Variants in PLA2G4F observed in about 807,000 individuals in gnomAD.
The protein encoded by PLA2G4F is phospholipase A2 group IVF.
In PLA2G4F, 105 loss-of-function variants were observed where a neutral mutation model predicts 103.1. That is an observed-to-expected ratio of 1.02 (90% CI 0.87 to 1.20). The LOEUF (loss-of-function observed/expected upper bound fraction) is 1.20. PLA2G4F is among the 50% of genes most tolerant of loss of function. The pLI is 0.00. For synonymous variants in PLA2G4F, 468 were observed against 441.1 expected, an observed-to-expected ratio of 1.06 and a Z score of -0.76; for missense variants, 1,155 against 1,075.9, an observed-to-expected ratio of 1.07 and a Z score of -1.03.
chr15:42,141,998 T>G lies in PLA2G4F; in HGVS notation c.2536A>C (p.Arg846=). The G allele has an allele frequency of 6.2e-7, 1 of 1,613,666 alleles. No individual in the cohort carries two copies. Among genetic ancestry groups the G allele is most frequent in the Non-Finnish European group, 8.5e-7 (1 of 1,179,932 alleles). ...LALDRHQARE[R]AGA is the part of the protein sequence containing the mutation. ...TCCTGCCTTGGTCAGGCCCCTGCCC[T>G]CTCCCGAGCCTGGTGCCGGTCCAGA... Residue 846 remains arginine (R), a synonymous_variant, in exon 20 of 20, where the codon AGG becomes CGG. Transcript: ENST00000397272.
At chr15:42,149,673 C>G in intron 11 of PLA2G4F, 40 bp downstream of exon 11, 3 of 1,611,974 alleles carry the variant, frequency 1.9e-6, no homozygotes, top group Non-Finnish European at 2.5e-6. Context: ...TTGATTTAGT[C>G]CTAGAGGCTC....
chr15:42,145,266 G>C lies in PLA2G4F; in HGVS notation c.1780+309C>G, dbSNP rs371792962. ...GGGAGAAAAGCGGGAAGGGTGCTCT[G>C]CACCGTGGGGCCCCCATGAGCCATT... On this transcript the variant is annotated intron_variant, in intron 16 of 19. Coordinates refer to ENST00000397272, the MANE Select transcript of PLA2G4F (RefSeq NM_213600.4). Among the ~76,000 whole-genome samples, 4 of 152,198 alleles carry C rather than the reference G, an allele frequency of 2.6e-5. No individual in the cohort carries two copies. The East Asian group carries it at 7.7e-4, about 29-fold the overall frequency.
chr15:42,149,159 T>C (rs1323690611), intron 11 of PLA2G4F: 6 of 985,250 alleles, frequency 6.1e-6, no homozygotes, highest in African/African-American at 1.7e-5. Flanking sequence ...CAGACTCAAC[T>C]GTCCCCCTCC....
At chr15:42,147,519 TG>T (rs1199045242) in intron 12 of PLA2G4F, 106 bp downstream of exon 12, 3 of 1,446,876 alleles carry the variant, frequency 2.1e-6, no homozygotes, top group African/African-American at 2.8e-5. Flanking sequence ...CCTAACACCC[TG>T]GGAGGCAGGA....
At position 42,156,565 on chromosome 15, in the gene PLA2G4F, G is replaced by C. The variant is rs1006291654; in HGVS notation, c.-16C>G. The C allele has an allele frequency of 6.0e-5, 92 of 1,525,216 alleles. No homozygotes were observed. The Admixed American group carries it at 1.9e-3, about 31-fold the overall frequency. 94.5% of individuals were successfully genotyped at this position (1,525,216 alleles called of 1,614,324 possible). On this transcript the variant is annotated 5_prime_UTR_variant, in exon 1 of 20. Transcript: ENST00000397272. ...CCCAAAGCATGGCTGGGCAGCCCGG[G>C]CCCCAGCAGGGAACCCTGCCTGCGC... is the stretch of plus-strand genomic sequence containing the variant.
intron 13 of PLA2G4F, chr15:42,146,856 T>A: frequency 2.3e-6 from 1 of 429,614 alleles, no homozygotes; most frequent in Non-Finnish European, 4.2e-6. Flanking sequence ...GGCCGAGGCA[T>A]GGGTGTGTTT....
chr15:42,139,541 C>G lies in PLA2G4F; in HGVS notation c.*2443G>C, dbSNP rs2048811456. On this transcript the variant is annotated 3_prime_UTR_variant, in exon 20 of 20. Coordinates refer to ENST00000397272, the MANE Select transcript of PLA2G4F (RefSeq NM_213600.4). ...GGGAAACCATGCTTGCTCTTCTAGA[C>G]AAATCCCTCCAACTCTGTCACCTTC... The G allele has an allele frequency of 6.6e-6, 1 of 152,232 alleles. No homozygotes were observed. Among genetic ancestry groups the G allele is most frequent in the African/African-American group, 2.4e-5 (1 of 41,434 alleles). The allele number at this position is 152,232 out of a possible 1,614,324, so 9.4% of individuals were successfully genotyped here. A position where few individuals can be genotyped will look rare whatever the true frequency, so the allele number is the denominator to read the frequency against.
rs1236651159 is a variant in PLA2G4F, at chr15:42,145,540, G to A, written c.1780+35C>T. 1.9e-6 allele frequency: 3 copies of A among 1,579,830 alleles called. No individual in the cohort carries two copies. The African/African-American group carries it at 4.0e-5, about 21-fold the overall frequency. On this transcript the variant is annotated intron_variant, in intron 16 of 19. Transcript: ENST00000397272. ...TCTGCCAGGGCCCTGTTGCTGGAAT[G>A]TGGTGTGGGAGGGGCTCGGGGTCGC...
chr15:42,147,485 G>C lies in PLA2G4F; in HGVS notation c.1197-139C>G, dbSNP rs142696062. On this transcript the variant is annotated intron_variant, in intron 12 of 19. Coordinates refer to ENST00000397272, the MANE Select transcript of PLA2G4F (RefSeq NM_213600.4). ...AACAACCCAACTCAGAGGGGCGCTT[G>C]GGACTCAGCCTCTTCCTGCCCCTCC... The C allele has an allele frequency of 4.7e-4, 646 of 1,369,730 alleles. 4 individuals are homozygous for C. In the African/African-American group the frequency reaches 8.6e-3, roughly 18 times the overall value. The allele number at this position is 1,369,730 out of a possible 1,614,324, so 84.8% of individuals were successfully genotyped here.
intron 17 of PLA2G4F, 92 bp from the exon 18 acceptor site, chr15:42,144,236 T>C (rs1290347628): frequency 6.8e-7 from 1 of 1,467,192 alleles, no homozygotes; most frequent in Non-Finnish European, 9.2e-7. Flanking sequence ...GCCTTCTCTC[T>C]GTAGAGTTCT....
chr15:42,141,397 G>A lies in PLA2G4F; in HGVS notation c.*587C>T. On this transcript the variant is annotated 3_prime_UTR_variant, in exon 20 of 20. Transcript: ENST00000397272. ...TGGGAAGAGAAGGGTGATCTGGGAG[G>A]AGGCACGAGGAGACCAGAAGGCAGA... 1 of 456,148 alleles carries A rather than the reference G, an allele frequency of 2.2e-6. No homozygotes were observed. Among genetic ancestry groups the A allele is most frequent in the Non-Finnish European group, 4.4e-6 (1 of 226,648 alleles). 28.3% of individuals were successfully genotyped at this position (456,148 alleles called of 1,614,324 possible). A position where few individuals can be genotyped will look rare whatever the true frequency, so the allele number is the denominator to read the frequency against.
At position 42,141,941 on chromosome 15, in the gene PLA2G4F, A is replaced by G; in HGVS notation, c.*43T>C. On this transcript the variant is annotated 3_prime_UTR_variant, in exon 20 of 20. Coordinates refer to ENST00000397272, the MANE Select transcript of PLA2G4F (RefSeq NM_213600.4). ...CCCTCTACAAGCCCTGACCATGAGC[A>G]GTGTGTCTCCTCTCTGTCACAGTCC... The G allele has an allele frequency of 1.3e-6, 2 of 1,552,352 alleles. No homozygotes were observed. Among genetic ancestry groups the G allele is most frequent in the Non-Finnish European group, 1.8e-6 (2 of 1,129,930 alleles).
In PLA2G4F at chr15:42,146,069, T is replaced by A. The variant is rs1049501273; in HGVS notation, c.1534+58A>T. On this transcript the variant is annotated intron_variant, in intron 14 of 19. Coordinates refer to ENST00000397272, the MANE Select transcript of PLA2G4F (RefSeq NM_213600.4). ...TCTGGGTACCCTGATCACCCTGGCC[T>A]CTCACCTCCTCCTCCCCACCTCCTC... 1.3e-5 allele frequency: 20 copies of A among 1,596,702 alleles called. No homozygotes were observed. In the African/African-American group the frequency reaches 2.6e-4, roughly 20 times the overall value.
intron 11 of PLA2G4F, chr15:42,148,726 G>A (rs2048920387): frequency 4.1e-6 from 4 of 985,320 alleles, no homozygotes; most frequent in African/African-American, 1.7e-5. Context: ...AGGTGCCTGA[G>A]GGGTCAGAGT....
rs2048828344 is a variant in PLA2G4F at position 42,141,760 on chromosome 15, G to A, written c.*224C>T. 1 of 624,304 alleles carries A rather than the reference G, an allele frequency of 1.6e-6. No homozygotes were observed. Among genetic ancestry groups the A allele is most frequent in the Non-Finnish European group, 2.9e-6 (1 of 344,176 alleles). 38.7% of individuals were successfully genotyped at this position (624,304 alleles called of 1,614,324 possible). A position where few individuals can be genotyped will look rare whatever the true frequency, so the allele number is the denominator to read the frequency against. Reference sequence around the variant, plus strand: ...TGCCCTACATCCCCAAGAGTCCCTGGAGCGATCTACTGCCCATCTTCTCCA... The same window carrying A: ...TGCCCTACATCCCCAAGAGTCCCTGAAGCGATCTACTGCCCATCTTCTCCA... On this transcript the variant is annotated 3_prime_UTR_variant, in exon 20 of 20. Coordinates refer to ENST00000397272, the MANE Select transcript of PLA2G4F (RefSeq NM_213600.4).
chr15:42,151,177 G>A lies in PLA2G4F; in HGVS notation c.602-400C>T, dbSNP rs148809077. The A allele has an allele frequency of 8.5e-5, 84 of 985,360 alleles. No individual in the cohort carries two copies. The African/African-American group carries it at 1.4e-3, about 16-fold the overall frequency. The allele number at this position is 985,360 out of a possible 1,614,324, so 61.0% of individuals were successfully genotyped here. A position where few individuals can be genotyped will look rare whatever the true frequency, so the allele number is the denominator to read the frequency against. On this transcript the variant is annotated intron_variant, in intron 7 of 19. Coordinates refer to ENST00000397272, the MANE Select transcript of PLA2G4F (RefSeq NM_213600.4). Reference sequence around the variant, plus strand: ...CAGCCTCTTTACTCATTGTGTTGGAGGTTTGTGGCCCAAGAGAAAACCAGT... The same window carrying A: ...CAGCCTCTTTACTCATTGTGTTGGAAGTTTGTGGCCCAAGAGAAAACCAGT...
rs1273414914 is a variant in PLA2G4F at position 42,142,157 on chromosome 15, T to A, written c.2377A>T (p.Ile793Phe). The part of the protein sequence containing the change: ...AEEKAFGDFV[I>F]NRPDTPYGMM... ...CCATAGGGGGTGTCTGGCCTGTTGA[T>A]GACAAAGTCCCCAAAGGCCTTCTCC... The change falls in exon 20 of 20, where the codon ATC becomes TTC. Residue 793 changes from isoleucine (I) to phenylalanine (F), a missense_variant. Coordinates refer to ENST00000397272, the MANE Select transcript of PLA2G4F (RefSeq NM_213600.4). The A allele has an allele frequency of 6.2e-7, 1 of 1,614,130 alleles. No homozygotes were observed. The highest frequency in any genetic ancestry group is 2.2e-5 in the East Asian group (1 of 44,882).
At chr15:42,150,069 G>GC (rs2048939484) in intron 10 of PLA2G4F, 35 bp downstream of exon 10, 1 of 1,613,740 alleles carries the variant, frequency 6.2e-7, no homozygotes, top group Admixed American at 1.7e-5. Flanking sequence ...TTCTAGCCCA[G>GC]CCCCAAGAGG....
chr15:42,153,290 C>T lies in PLA2G4F; in HGVS notation c.534+10G>A, dbSNP rs771989693. On this transcript the variant is annotated intron_variant, in intron 6 of 19. Coordinates refer to ENST00000397272, the MANE Select transcript of PLA2G4F (RefSeq NM_213600.4). ...CCCAGAACAGCGCCAAGCTTGCCTT[C>T]CCCACTCACCACCAGAACCCCGTTG... 16 of 1,613,856 alleles carry T rather than the reference C, an allele frequency of 9.9e-6. No individual in the cohort carries two copies. In the South Asian group the frequency reaches 1.5e-4, roughly 16 times the overall value.
Sources: gnomAD v4.1 joint callset for allele counts (sites outside exome capture counted in the v4.1 genomes callset) on GRCh38, gnomAD v4.1.1 for gene constraint, MANE v1.5 for transcripts, NCBI Gene and HGNC (gene_info 2026-07-23, HGNC 2026-07-21) for gene names.